The following STS variants were observed in gnomAD, a reference collection of about 807,000 sequenced individuals.
STS encodes steryl-sulfatase.
A neutral mutation model predicts 26.8 loss-of-function variants in STS; 7 were observed. That is an observed-to-expected ratio of 0.26 (90% CI 0.15 to 0.49). The LOEUF is 0.49. Ranked by LOEUF, STS falls within the 20% of genes least tolerant of loss-of-function variation. The probability of loss-of-function intolerance (pLI) is 0.98; values close to 1 mark genes in which losing one functional copy is unlikely to be tolerated. For synonymous variants in STS, 199 were observed against 189.4 expected, an observed-to-expected ratio of 1.05 and a Z score of -0.42; for missense variants, 434 against 465.6, an observed-to-expected ratio of 0.93 and a Z score of 0.63.
chrX:7,171,419 T>C (rs990202944), intron 1 of STS, among the ~76,000 whole-genome samples: 2 of 111,853 alleles, frequency 1.8e-5, no homozygotes, highest in Non-Finnish European at 3.8e-5. Flanking sequence ...TAGCCTGCCC[T>C]GGTCTTGGGA....
chrX:7,339,298 T>C (rs1298338794), intron 10 of STS, among the ~76,000 whole-genome samples: 1 of 111,982 alleles, frequency 8.9e-6, no homozygotes, highest in Non-Finnish European at 1.9e-5. Context: ...GCTGACCTAA[T>C]GTGAGATGCA....
At chrX:7,209,543 G>T in intron 2 of STS, among the ~76,000 whole-genome samples, 1 of 49,500 alleles carries the variant, frequency 2.0e-5, no homozygotes, top group African/African-American at 6.5e-5. Flanking sequence ...ATTTAAAAAT[G>T]AATTCGAATA....
chrX:7,316,121 G>A (rs1301378776), intron 8 of STS, among the ~76,000 whole-genome samples: 1 of 111,810 alleles, frequency 8.9e-6, no homozygotes, highest in Non-Finnish European at 1.9e-5. Context: ...TCAGGACATG[G>A]TTAGCTTCGC....
intron 2 of STS, among the ~76,000 whole-genome samples, chrX:7,197,999 G>A (rs766170985): frequency 9.0e-6 from 1 of 111,649 alleles, no homozygotes; most frequent in East Asian, 2.8e-4. Context: ...AGTCACACAG[G>A]CAAAAAACAA....
At chrX:7,328,139 G>C (rs1349893460) in intron 9 of STS, among the ~76,000 whole-genome samples, 4 of 111,670 alleles carry the variant, frequency 3.6e-5, no homozygotes, top group African/African-American at 1.3e-4. Context: ...TTGGAATAAA[G>C]GTTAATACTT....
chrX:7,235,171 C>G (rs1270793451), intron 2 of STS, among the ~76,000 whole-genome samples: 7 of 112,246 alleles, frequency 6.2e-5, no homozygotes, highest in African/African-American at 2.3e-4. Context: ...GGTCTTAGAT[C>G]TGAGCAAGAG....
At chrX:7,335,305 T>A (rs1927962502) in intron 10 of STS, among the ~76,000 whole-genome samples, 1 of 112,528 alleles carries the variant, frequency 8.9e-6, no homozygotes, top group Admixed American at 9.4e-5. Flanking sequence ...CCATTCTAAC[T>A]GATGTGAGAT....
chrX:7,281,990 C>T (rs1924884407), intron 7 of STS, among the ~76,000 whole-genome samples: 1 of 112,194 alleles, frequency 8.9e-6, no homozygotes, highest in African/African-American at 3.2e-5. Flanking sequence ...TCTGAAGTTT[C>T]TCTAAAGCTC....
intron 7 of STS, among the ~76,000 whole-genome samples, chrX:7,297,989 A>C (rs1212799159): frequency 9.0e-6 from 1 of 111,680 alleles, no homozygotes; most frequent in African/African-American, 3.3e-5. Flanking sequence ...TTGGCATTTG[A>C]CTGATTGAAT....
rs773077072 is a variant in STS, at chrX:7,341,566, T to C, written c.1363+7459T>C. The stretch of plus-strand genomic sequence containing the variant: ...AAGCTCTCTGCCTTCCTCACTCCGT[T>C]ATCTGCCATGATCAGACAGTAATCT... On this transcript the variant is annotated intron_variant, in intron 10 of 10. Coordinates refer to ENST00000674429, the MANE Select transcript of STS (RefSeq NM_001320752.2). 2.7e-5 allele frequency among the ~76,000 whole-genome samples: 3 copies of C among 112,216 alleles called. No homozygotes were observed. In the South Asian group the frequency reaches 1.1e-3, roughly 42 times the overall value.
chrX:7,187,598 C>A (rs1933797329), intron 1 of STS, among the ~76,000 whole-genome samples: 2 of 112,068 alleles, frequency 1.8e-5, no homozygotes, highest in South Asian at 3.7e-4. Context: ...ACATAGGATG[C>A]CTTTAACTCT....
rs971389207 is a variant in STS, at chrX:7,233,871, A to G, written c.-4-19325A>G. Among the ~76,000 whole-genome samples the G allele has an allele frequency of 3.6e-5, 4 of 111,940 alleles. No individual in the cohort carries two copies. The East Asian group carries it at 1.1e-3, about 32-fold the overall frequency. The stretch of plus-strand genomic sequence containing the variant: ...CTGATCCTGGAAAATGCTCATCCAC[A>G]GAGCAGCTGAGCCAAGATGGTTTGA... On this transcript the variant is annotated intron_variant, in intron 2 of 10. Coordinates refer to ENST00000674429, the MANE Select transcript of STS (RefSeq NM_001320752.2).
At chrX:7,273,009 G>A (rs1209459685) in intron 6 of STS, among the ~76,000 whole-genome samples, 1 of 111,065 alleles carries the variant, frequency 9.0e-6, no homozygotes, top group Non-Finnish European at 1.9e-5. Flanking sequence ...AATTAGCTGG[G>A]CATGGTGGTG....
intron 1 of STS, among the ~76,000 whole-genome samples, chrX:7,165,194 G>A (rs776660783): frequency 9.3e-6 from 1 of 107,839 alleles, no homozygotes; most frequent in South Asian, 4.3e-4. Flanking sequence ...GGGATGGACT[G>A]TCCTATGCAG....
At chrX:7,296,599 A>G (rs1171515030) in intron 7 of STS, among the ~76,000 whole-genome samples, 1 of 112,420 alleles carries the variant, frequency 8.9e-6, no homozygotes, top group Non-Finnish European at 1.9e-5. Context: ...CAGAACAGGT[A>G]CAATGACTTT....
intron 3 of STS, among the ~76,000 whole-genome samples, chrX:7,256,027 A>G (rs1306300004): frequency 4.5e-5 from 5 of 111,549 alleles, no homozygotes; most frequent in African/African-American, 1.3e-4. Context: ...TGTCTGGTGG[A>G]GTATGGACTA....
intron 2 of STS, among the ~76,000 whole-genome samples, chrX:7,243,503 C>T (rs190964492): frequency 8.9e-6 from 1 of 111,860 alleles, no homozygotes; most frequent in East Asian, 2.8e-4. Context: ...TGAGATGAGG[C>T]CAGAGCTCTG....
At chrX:7,204,636 C>A (rs558171966) in intron 2 of STS, among the ~76,000 whole-genome samples, 1 of 103,492 alleles carries the variant, frequency 9.7e-6, no homozygotes, top group Admixed American at 1.1e-4. Context: ...CCCTCCCTCT[C>A]TTCCTTTTTT....
intron 2 of STS, among the ~76,000 whole-genome samples, chrX:7,206,185 T>G (rs1375960373): frequency 8.9e-6 from 1 of 112,333 alleles, no homozygotes; most frequent in Non-Finnish European, 1.9e-5. Flanking sequence ...TTTGTTTTAT[T>G]GCTTTGGTAA....
Sources: allele counts gnomAD v4.1 joint callset (sites outside exome capture counted in the v4.1 genomes callset), GRCh38; gene constraint gnomAD v4.1.1; transcripts MANE v1.5; gene names NCBI Gene and HGNC (gene_info 2026-07-23, HGNC 2026-07-21).